The following LGR5 variants were observed in gnomAD, a reference collection of about 807,000 sequenced individuals.
LGR5 encodes leucine rich repeat containing G protein-coupled receptor 5, also known as leucine-rich repeat-containing G protein-coupled receptor 5.
A neutral mutation model predicts 76.7 loss-of-function variants in LGR5; 54 were observed. The observed-to-expected ratio is 0.70, with a 90% CI of 0.57 to 0.88. The LOEUF (loss-of-function observed/expected upper bound fraction) is 0.88, where lower values mean the gene tolerates loss of function less well. Ranked by LOEUF, LGR5 falls within the 40% of genes least tolerant of loss-of-function variation. The pLI, the probability that LGR5 is intolerant of heterozygous loss-of-function variation, is 0.00. For missense variants in LGR5, 1,078 were observed against 1,073.3 expected (o/e 1.00, Z -0.06); for synonymous variants, 406 against 421.9 (o/e 0.96, Z 0.46).
chr12:71,573,985 A>T (rs1234551669), intron 13 of LGR5, among the ~76,000 whole-genome samples: 3 of 151,820 alleles, frequency 2.0e-5, no homozygotes, highest in Non-Finnish European at 4.4e-5. Flanking sequence ...CCTAACCCTA[A>T]CCCTTATTCA....
rs529143143 is a variant in LGR5, at chr12:71,494,785, T to C, written c.213-9829T>C. Among the ~76,000 whole-genome samples the C allele has an allele frequency of 9.3e-4, 140 of 151,178 alleles. 1 individual carries two copies. Among genetic ancestry groups the C allele is most frequent in the Middle Eastern group, 3.4e-3 (1 of 294 alleles). ...TTCCTATTGAATACCCAGTTTAACC[T>C]CGAGATCCCAATCTGGATTCCAGAT... On this transcript the variant is annotated intron_variant, in intron 1 of 17. Coordinates refer to ENST00000266674, the MANE Select transcript of LGR5 (RefSeq NM_003667.4).
At chr12:71,472,819 T>C (rs554231789) in intron 1 of LGR5, among the ~76,000 whole-genome samples, 2 of 152,326 alleles carry the variant, frequency 1.3e-5, no homozygotes, top group East Asian at 1.9e-4. Flanking sequence ...CTGACTTCCA[T>C]CACTCTAGTC....
At chr12:71,569,469 A>G (rs2951519) in intron 11 of LGR5, among the ~76,000 whole-genome samples, 133,964 of 152,050 alleles carry the variant, frequency 0.88, 60,994 homozygotes, top group East Asian at 1. Flanking sequence ...ACAAGAAAAA[A>G]ACAACCCCAT....
At chr12:71,443,742 C>T (rs1395973690) in intron 1 of LGR5, among the ~76,000 whole-genome samples, 6 of 152,122 alleles carry the variant, frequency 3.9e-5, no homozygotes, top group Non-Finnish European at 8.8e-5. Context: ...AGATAGAAAA[C>T]TGAATCCTAA....
Position 71,440,073 on chromosome 12 carries a change from C to G in LGR5, c.-8C>G. On this transcript the variant is annotated 5_prime_UTR_variant, in exon 1 of 18. Transcript: ENST00000266674. The surrounding 1 kb of genome is among the most constrained non-coding windows in gnomAD (Gnocchi z 5.3). ...GCGTCCGGCTCGTGGCCCCCTACTT[C>G]GGGCACCATGGACACCTCCCGGCTC... The G allele has an allele frequency of 1.2e-6, 2 of 1,600,454 alleles. No homozygotes were observed. The highest frequency in any genetic ancestry group is 1.1e-5 in the South Asian group (1 of 90,980).
At chr12:71,565,199 A>T (rs1414922641) in intron 8 of LGR5, among the ~76,000 whole-genome samples, 2 of 151,868 alleles carry the variant, frequency 1.3e-5, no homozygotes, top group East Asian at 3.9e-4. Context: ...TAGCAACTGT[A>T]TCCCAGGTTC....
intron 2 of LGR5, among the ~76,000 whole-genome samples, chr12:71,517,169 T>C (rs1875487233): frequency 6.6e-6 from 1 of 152,238 alleles, no homozygotes; most frequent in Admixed American, 6.5e-5. Flanking sequence ...CCTATGTTTG[T>C]ATGCATTTCG....
chr12:71,573,381 T>C (rs901335816), intron 13 of LGR5, among the ~76,000 whole-genome samples: 2 of 152,182 alleles, frequency 1.3e-5, no homozygotes, highest in Admixed American at 1.3e-4. Context: ...AGTTAGAATC[T>C]CTGGAGTGGG....
chr12:71,528,780 C>T (rs1455838190), intron 3 of LGR5, among the ~76,000 whole-genome samples: 1 of 152,132 alleles, frequency 6.6e-6, no homozygotes, highest in Non-Finnish European at 1.5e-5. Flanking sequence ...GTTTTACTGC[C>T]TAGCAAAGTC....
At chr12:71,474,639 C>A (rs1873249504) in intron 1 of LGR5, among the ~76,000 whole-genome samples, 1 of 152,176 alleles carries the variant, frequency 6.6e-6, no homozygotes, top group African/African-American at 2.4e-5. Flanking sequence ...TATTACAAAG[C>A]AACATATGTT....
At chr12:71,498,914 T>C (rs946019484) in intron 1 of LGR5, among the ~76,000 whole-genome samples, 1 of 152,156 alleles carries the variant, frequency 6.6e-6, no homozygotes, top group African/African-American at 2.4e-5. Context: ...ATGAAGAGGT[T>C]CAAGGCAAGT....
intron 1 of LGR5, among the ~76,000 whole-genome samples, chr12:71,499,366 T>C (rs575763726): frequency 6.6e-6 from 1 of 151,928 alleles, no homozygotes; most frequent in East Asian, 1.9e-4. Flanking sequence ...GGAAGAGATA[T>C]GGGGGAGTGG....
At chr12:71,519,194 T>C (rs996475064) in intron 2 of LGR5, among the ~76,000 whole-genome samples, 1 of 152,104 alleles carries the variant, frequency 6.6e-6, no homozygotes, top group Admixed American at 6.6e-5. Context: ...CCAGGCACTC[T>C]CTACCTCAGG....
intron 4 of LGR5, among the ~76,000 whole-genome samples, chr12:71,536,628 C>T (rs930158911): frequency 5.3e-5 from 8 of 152,122 alleles, no homozygotes; most frequent in African/African-American, 1.7e-4. Flanking sequence ...GTGATAATGG[C>T]GGTAGCCAGT....
chr12:71,462,364 G>A (rs527605804), intron 1 of LGR5, among the ~76,000 whole-genome samples: 1 of 152,166 alleles, frequency 6.6e-6, no homozygotes, highest in South Asian at 2.1e-4. Flanking sequence ...TGAAATCCTA[G>A]GTTAATTTAA....
intron 3 of LGR5, among the ~76,000 whole-genome samples, chr12:71,525,562 G>A (rs1486789195): frequency 6.6e-6 from 1 of 151,868 alleles, no homozygotes; most frequent in Non-Finnish European, 1.5e-5. Context: ...CATTCAAAAT[G>A]TATCGTGAGA....
chr12:71,512,907 CAA>C (rs1592503513), intron 2 of LGR5, among the ~76,000 whole-genome samples: 1 of 152,216 alleles, frequency 6.6e-6, no homozygotes, highest in East Asian at 1.9e-4. Context: ...GAGTGGTTTA[CAA>C]AGAGGTGATG....
intron 12 of LGR5, among the ~76,000 whole-genome samples, chr12:71,572,561 G>A (rs1408678782): frequency 2.0e-5 from 3 of 152,178 alleles, no homozygotes; most frequent in Non-Finnish European, 2.9e-5. Flanking sequence ...TCCAAGGGAG[G>A]CTCAGAAGGC....
chr12:71,558,552 A>T (rs1049819200), intron 6 of LGR5, among the ~76,000 whole-genome samples: 4 of 152,362 alleles, frequency 2.6e-5, no homozygotes, highest in East Asian at 1.9e-4. Context: ...ACAAACAGGA[A>T]GAAAATTTAT....
Sources: gnomAD v4.1 joint callset for allele counts (sites outside exome capture counted in the v4.1 genomes callset) on GRCh38, gnomAD v4.1.1 for gene constraint, Gnocchi (gnomAD v3.1) non-coding constraint, MANE v1.5 for transcripts, NCBI Gene and HGNC (gene_info 2026-07-23, HGNC 2026-07-21) for gene names.